RBFOX1: variants seen among roughly 807,000 people sequenced by gnomAD.
The protein encoded by RBFOX1 is RNA binding protein fox-1 homolog 1.
A neutral mutation model predicts 57.7 loss-of-function variants in RBFOX1; 8 were observed. The observed-to-expected ratio is 0.14, with a 90% CI of 0.08 to 0.25. The LOEUF (loss-of-function observed/expected upper bound fraction) is 0.25. RBFOX1 is among the 10% of genes least tolerant of loss of function. The pLI is 1.00. For missense variants in RBFOX1, 611 were observed against 548.5 expected, an observed-to-expected ratio of 1.11 and a Z score of -1.14; for synonymous variants, 326 against 222.4, an observed-to-expected ratio of 1.47 and a Z score of -4.15.
chr16:5,722,037 ATGTGGTAGAATC>A (rs1285046749), intron 3 of RBFOX1, among the ~76,000 whole-genome samples: 9 of 152,344 alleles, frequency 5.9e-5, no homozygotes, highest in Non-Finnish European at 1.3e-4. Flanking sequence ...GAGAATCCTC[ATGTGGTAGAATC>A]ATAAATCCGA....
chr16:7,514,165 C>T (rs985068038), intron 4 of RBFOX1, among the ~76,000 whole-genome samples: 2 of 152,152 alleles, frequency 1.3e-5, no homozygotes, highest in African/African-American at 4.8e-5. Flanking sequence ...GTCTCTGTCA[C>T]AGCTATCCAA....
At chr16:6,965,063 G>T (rs923854139) in intron 3 of RBFOX1, among the ~76,000 whole-genome samples, 3 of 152,002 alleles carry the variant, frequency 2.0e-5, no homozygotes, top group African/African-American at 7.3e-5. Flanking sequence ...CTGGAGTCTG[G>T]GGGTGGCAGT....
At chr16:6,791,859 A>G (rs577438797) in intron 3 of RBFOX1, among the ~76,000 whole-genome samples, 2 of 152,308 alleles carry the variant, frequency 1.3e-5, no homozygotes, top group African/African-American at 4.8e-5. Flanking sequence ...ATACTTTTAT[A>G]TATTAAGTAA....
chr16:5,335,164 G>A (rs1018416554), intron 1 of RBFOX1, among the ~76,000 whole-genome samples: 2 of 151,530 alleles, frequency 1.3e-5, no homozygotes, highest in East Asian at 2.0e-4. Context: ...TTTTTCTTCC[G>A]AATTGCCAGT....
At chr16:7,017,420 GAT>G (rs887884527) in intron 3 of RBFOX1, among the ~76,000 whole-genome samples, 1 of 152,206 alleles carries the variant, frequency 6.6e-6, no homozygotes, top group African/African-American at 2.4e-5. Flanking sequence ...CAGAGAATGA[GAT>G]AAATCTTGGC....
intron 1 of RBFOX1, among the ~76,000 whole-genome samples, chr16:6,062,160 G>A (rs1258787369): frequency 6.6e-6 from 1 of 152,152 alleles, no homozygotes; most frequent in African/African-American, 2.4e-5. Flanking sequence ...CCGTCTCTGG[G>A]TGCATCACCT....
intron 4 of RBFOX1, among the ~76,000 whole-genome samples, chr16:7,056,726 G>A (rs1288317182): frequency 6.6e-6 from 1 of 152,108 alleles, no homozygotes; most frequent in African/African-American, 2.4e-5. Context: ...GTGCTTGAGT[G>A]GTAGATGTTG....
intron 4 of RBFOX1, among the ~76,000 whole-genome samples, chr16:7,451,520 G>A (rs60342942): frequency 1.3e-5 from 2 of 152,014 alleles, no homozygotes; most frequent in African/African-American, 4.8e-5. Flanking sequence ...CAACTTATAA[G>A]CAGTGGTGGA....
At chr16:6,126,897 A>T (rs1255771683) in intron 1 of RBFOX1, among the ~76,000 whole-genome samples, 2 of 152,236 alleles carry the variant, frequency 1.3e-5, no homozygotes, top group Admixed American at 6.5e-5. Context: ...AGAAGCAAAC[A>T]GCTCAGAAAC....
intron 4 of RBFOX1, among the ~76,000 whole-genome samples, chr16:7,209,800 A>T (rs185557251): frequency 6.6e-6 from 1 of 152,286 alleles, no homozygotes; most frequent in African/African-American, 2.4e-5. Flanking sequence ...CAAATGTTGA[A>T]TGAATGGATG....
intron 2 of RBFOX1, among the ~76,000 whole-genome samples, chr16:6,642,825 C>G (rs573636548): frequency 5.3e-4 from 81 of 152,216 alleles, no homozygotes; most frequent in Admixed American, 2.3e-3. Context: ...GAAGATTCCT[C>G]CAAATGTTTA....
At chr16:5,759,535 C>G (rs2053520928) in intron 3 of RBFOX1, among the ~76,000 whole-genome samples, 1 of 152,220 alleles carries the variant, frequency 6.6e-6, no homozygotes, top group Non-Finnish European at 1.5e-5. Flanking sequence ...TCAGAGTTTT[C>G]TTAATTTCTG....
At chr16:6,229,605 C>T (rs1401438659) in intron 1 of RBFOX1, among the ~76,000 whole-genome samples, 1 of 151,650 alleles carries the variant, frequency 6.6e-6, no homozygotes, top group Non-Finnish European at 1.5e-5. Flanking sequence ...GCTAATAGTA[C>T]TGACTGAAGA....
chr16:7,430,241 C>G (rs1276057977), intron 4 of RBFOX1, among the ~76,000 whole-genome samples: 1 of 152,204 alleles, frequency 6.6e-6, no homozygotes, highest in African/African-American at 2.4e-5. Context: ...CACTCATAGC[C>G]ATTCCCTATT....
At chr16:5,414,272 A>G (rs955398756) in intron 1 of RBFOX1, among the ~76,000 whole-genome samples, 2 of 152,178 alleles carry the variant, frequency 1.3e-5, no homozygotes, top group African/African-American at 4.8e-5. Flanking sequence ...AGTCTGTATG[A>G]AAAAGCACAA....
chr16:6,021,488 A>C (rs1042167914), intron 1 of RBFOX1, among the ~76,000 whole-genome samples: 2 of 152,196 alleles, frequency 1.3e-5, no homozygotes, highest in Non-Finnish European at 1.5e-5. Context: ...GGGCCTGTGA[A>C]GGGTAAAGGT....
intron 14 of RBFOX1, among the ~76,000 whole-genome samples, chr16:7,685,542 G>C (rs183029518): frequency 6.6e-6 from 1 of 152,150 alleles, no homozygotes; most frequent in East Asian, 1.9e-4. Flanking sequence ...GGAAAGCATG[G>C]TACTAATTAG....
intron 2 of RBFOX1, among the ~76,000 whole-genome samples, chr16:5,530,931 TATAAAAAAAA>T (rs2044443507): frequency 1.0e-4 from 9 of 88,116 alleles, no homozygotes; most frequent in African/African-American, 3.1e-4. Flanking sequence ...CTACTAAAAA[TATAAAAAAAA>T]AAAAAAAAAA....
chr16:5,721,275 A>G (rs4450400), intron 3 of RBFOX1, among the ~76,000 whole-genome samples: 145,293 of 152,254 alleles, frequency 0.95, 69,358 homozygotes, highest in East Asian at 1. Flanking sequence ...GAAGGAATAC[A>G]GCTGATTTTT....
Sources: gnomAD v4.1 joint callset for allele counts (sites outside exome capture counted in the v4.1 genomes callset) on GRCh38, gnomAD v4.1.1 for gene constraint, MANE v1.5 for transcripts, NCBI Gene and HGNC (gene_info 2026-07-23, HGNC 2026-07-21) for gene names.